NUDT13: variants seen among roughly 807,000 people sequenced by gnomAD.
The protein encoded by NUDT13 is NAD(P)H pyrophosphatase NUDT13, mitochondrial.
Under a neutral mutation model 41.7 loss-of-function variants are expected in NUDT13, and 40 were observed. The observed-to-expected ratio is 0.96, with a 90% confidence interval of 0.75 to 1.25. The LOEUF is 1.25. Ranked by LOEUF, NUDT13 falls within the 50% of genes most tolerant of loss-of-function variation. NUDT13 has a pLI of 0.00. For missense variants in NUDT13, 390 were observed against 416.1 expected (o/e 0.94, Z 0.55); for synonymous variants, 145 against 155.5 (o/e 0.93, Z 0.50).
intron 7 of NUDT13, chr10:73,126,230 CACTT>C: frequency 4.5e-6 from 1 of 222,724 alleles, no homozygotes; most frequent in South Asian, 8.0e-5. Flanking sequence ...ATTTTTACTA[CACTT>C]ACTTTATCAC....
rs374494298 is a variant in NUDT13, at chr10:73,120,182, G to A, written c.223+25G>A. On this transcript the variant is annotated intron_variant, in intron 3 of 8. Coordinates refer to ENST00000357321, the MANE Select transcript of NUDT13 (RefSeq NM_015901.6). The stretch of plus-strand genomic sequence containing the variant: ...GGTAAGTCCAGAGTGGACCAGTGGC[G>A]TTGACCAGCCTGTGGCCACTACGCA... The A allele has an allele frequency of 2.2e-5, 36 of 1,607,846 alleles. No individual in the cohort carries two copies. In the African/African-American group the frequency reaches 3.9e-4, roughly 17 times the overall value.
intron 2 of NUDT13, among the ~76,000 whole-genome samples, chr10:73,118,019 C>T (rs1842557001): frequency 1.3e-5 from 2 of 152,108 alleles, no homozygotes. Flanking sequence ...AGACCTTAAC[C>T]TGGGTGTTTT....
At chr10:73,117,428 G>A (rs1046518895) in intron 2 of NUDT13, among the ~76,000 whole-genome samples, 3 of 151,036 alleles carry the variant, frequency 2.0e-5, no homozygotes, top group Non-Finnish European at 3.0e-5. Flanking sequence ...GTGGTGGCGG[G>A]CACCTGTAAT....
At chr10:73,121,271 C>T (rs1376171369) in intron 3 of NUDT13, among the ~76,000 whole-genome samples, 2 of 152,128 alleles carry the variant, frequency 1.3e-5, no homozygotes, top group South Asian at 2.1e-4. Context: ...AAAATGTGAA[C>T]TTTCAGTTTT....
At chr10:73,128,589 TA>T (rs1360038931) in intron 8 of NUDT13, among the ~76,000 whole-genome samples, 1 of 152,224 alleles carries the variant, frequency 6.6e-6, no homozygotes, top group Non-Finnish European at 1.5e-5. Flanking sequence ...TTGGCTTATT[TA>T]TTTTTTGGTA....
intron 1 of NUDT13, among the ~76,000 whole-genome samples, chr10:73,111,443 G>A (rs1471075426): frequency 6.6e-6 from 1 of 152,044 alleles, no homozygotes; most frequent in African/African-American, 2.4e-5. Flanking sequence ...GCGCGATCTC[G>A]GCTCACTACA....
chr10:73,125,495 G>C lies in NUDT13; in HGVS notation c.689G>C (p.Gly230Ala). Reference protein sequence around the residue: ...FPKGMYSALAGFCDIGESVEE... With the variant: ...FPKGMYSALAAFCDIGESVEE... ...AAGGGAATGTATTCTGCCTTGGCAGGTTTTTGTGATATAGGTGAGGAGTTT... is the reference window on the plus strand; with the variant it reads ...AAGGGAATGTATTCTGCCTTGGCAGCTTTTTGTGATATAGGTGAGGAGTTT... The change falls in exon 7 of 9, where the codon GGT becomes GCT. Residue 230 changes from glycine to alanine, a missense_variant. Physicochemically the swap from Gly to Ala is moderately conservative, Grantham distance 60 (BLOSUM62 0). Coordinates refer to ENST00000357321, the MANE Select transcript of NUDT13 (RefSeq NM_015901.6). The C allele has an allele frequency of 1.3e-6, 2 of 1,598,566 alleles. No individual in the cohort carries two copies. Among genetic ancestry groups the C allele is most frequent in the Non-Finnish European group, 1.7e-6 (2 of 1,172,810 alleles).
chr10:73,119,812 T>C (rs954344840), intron 2 of NUDT13, among the ~76,000 whole-genome samples: 1 of 152,116 alleles, frequency 6.6e-6, no homozygotes, highest in Non-Finnish European at 1.5e-5. Flanking sequence ...CACAGAAGTA[T>C]GGGTGAGGTA....
intron 8 of NUDT13, among the ~76,000 whole-genome samples, chr10:73,129,821 T>C (rs1411534368): frequency 2.0e-5 from 3 of 151,122 alleles, no homozygotes; most frequent in African/African-American, 7.3e-5. Context: ...CTACTAAAAA[T>C]ACAAAGAAAT....
intron 2 of NUDT13, among the ~76,000 whole-genome samples, chr10:73,117,967 C>A (rs1842555712): frequency 1.3e-5 from 2 of 152,180 alleles, no homozygotes; most frequent in Admixed American, 6.5e-5. Context: ...GTGTAAGGAA[C>A]TTTTGGATCT....
At chr10:73,115,935 C>G (rs781729608) in intron 2 of NUDT13, among the ~76,000 whole-genome samples, 1 of 152,170 alleles carries the variant, frequency 6.6e-6, no homozygotes, top group Non-Finnish European at 1.5e-5. Flanking sequence ...TGCTTTCATA[C>G]AGTTTTGGGG....
chr10:73,113,138 C>T (rs981129588), intron 1 of NUDT13, among the ~76,000 whole-genome samples: 6 of 152,148 alleles, frequency 3.9e-5, no homozygotes, highest in Non-Finnish European at 8.8e-5. Flanking sequence ...CCGCCCGCCT[C>T]GGCCTCCCAA....
intron 2 of NUDT13, 57 bp from the exon 3 acceptor site, chr10:73,119,961 T>C (rs1177199706): frequency 7.1e-6 from 11 of 1,543,530 alleles, no homozygotes; most frequent in Non-Finnish European, 9.8e-6. Flanking sequence ...CAAAGATGAA[T>C]GCTATACAGG....
chr10:73,119,934 T>A, intron 2 of NUDT13, 84 bp from the exon 3 acceptor site: 1 of 1,345,774 alleles, frequency 7.4e-7, no homozygotes, highest in Non-Finnish European at 1.1e-6. Flanking sequence ...AAGAGAGGGA[T>A]GCAGCGACAG....
chr10:73,128,460 G>A (rs1427093179), intron 8 of NUDT13, among the ~76,000 whole-genome samples: 1 of 152,076 alleles, frequency 6.6e-6, no homozygotes, highest in Non-Finnish European at 1.5e-5. Context: ...GAAGGTATGA[G>A]GTTTTCATTT....
chr10:73,116,328 G>C (rs1170267780), intron 2 of NUDT13, among the ~76,000 whole-genome samples: 1 of 151,950 alleles, frequency 6.6e-6, no homozygotes, highest in Non-Finnish European at 1.5e-5. Context: ...AATTTAAGTA[G>C]TAATCTTGGA....
At chr10:73,122,089 G>T in intron 3 of NUDT13, 86 bp from the exon 4 acceptor site, 2 of 1,450,026 alleles carry the variant, frequency 1.4e-6, no homozygotes, top group South Asian at 1.4e-5. Flanking sequence ...TGAAGTAGAT[G>T]ATTTTCTGTG....
In NUDT13 at chr10:73,120,062, C is replaced by A. The variant is rs1305193579; in HGVS notation, c.128C>A (p.Ala43Asp). The A allele has an allele frequency of 6.2e-7, 1 of 1,613,954 alleles. No homozygotes were observed. The highest frequency in any genetic ancestry group is 1.3e-5 in the African/African-American group (1 of 74,908). ...LKEDDDACKKAQQTGAFYLFH... is the reference protein window; with the variant it reads ...LKEDDDACKKDQQTGAFYLFH... Reference sequence around the variant, plus strand: ...GAAGATGATGATGCATGTAAAAAAGCCCAGCAAACAGGAGCGTTTTACCTC... The same window carrying A: ...GAAGATGATGATGCATGTAAAAAAGACCAGCAAACAGGAGCGTTTTACCTC... Residue 43 changes from alanine (A) to aspartate (D), a missense_variant, in exon 3 of 9, where the codon GCC becomes GAC. By Grantham distance (126) the Ala-to-Asp change is moderately radical. Transcript: ENST00000357321.
At chr10:73,112,834 C>T (rs1286785835) in intron 1 of NUDT13, among the ~76,000 whole-genome samples, 1 of 151,808 alleles carries the variant, frequency 6.6e-6, no homozygotes, top group Non-Finnish European at 1.5e-5. Context: ...CTAAGTCTCT[C>T]TCCCTGTTAC....
Sources: gnomAD v4.1 joint callset for allele counts (sites outside exome capture counted in the v4.1 genomes callset) on GRCh38, gnomAD v4.1.1 for gene constraint, MANE v1.5 for transcripts, NCBI Gene and HGNC (gene_info 2026-07-23, HGNC 2026-07-21) for gene names.